The following HIBADH variants were observed in gnomAD, a reference collection of about 807,000 sequenced individuals.
The protein encoded by HIBADH is 3-hydroxyisobutyrate dehydrogenase, mitochondrial.
In HIBADH, 25 loss-of-function variants were observed where a neutral mutation model predicts 36.1. The observed-to-expected ratio is 0.69, with a 90% CI of 0.50 to 0.97. The LOEUF (loss-of-function observed/expected upper bound fraction) is 0.97, where lower values mean the gene tolerates loss of function less well. Ranked by LOEUF, HIBADH falls within the 50% of genes least tolerant of loss-of-function variation. The pLI, the probability that HIBADH is intolerant of heterozygous loss-of-function variation, is 0.00. For missense variants in HIBADH, 421 were observed against 418.0 expected, an observed-to-expected ratio of 1.01 and a Z score of -0.06; for synonymous variants, 160 against 149.5, an observed-to-expected ratio of 1.07 and a Z score of -0.51.
chr7:27,646,691 T>TA (rs1786078756), intron 2 of HIBADH, among the ~76,000 whole-genome samples: 1 of 129,620 alleles, frequency 7.7e-6, no homozygotes, highest in Non-Finnish European at 1.6e-5. Flanking sequence ...CGCCCAGCAT[T>TA]TTTTTTTTTT....
chr7:27,578,581 T>C (rs1468873880), intron 4 of HIBADH, among the ~76,000 whole-genome samples: 1 of 152,174 alleles, frequency 6.6e-6, no homozygotes, highest in Non-Finnish European at 1.5e-5. Flanking sequence ...CCTCCTGAAG[T>C]GCCAGGATTA....
chr7:27,532,386 T>C (rs148209600), intron 6 of HIBADH, among the ~76,000 whole-genome samples: 3 of 152,328 alleles, frequency 2.0e-5, no homozygotes, highest in Middle Eastern at 3.4e-3. Flanking sequence ...GAGACACTTA[T>C]GTAAATGTTA....
chr7:27,642,363 A>G (rs1000547490), intron 2 of HIBADH, among the ~76,000 whole-genome samples: 7 of 152,208 alleles, frequency 4.6e-5, no homozygotes, highest in African/African-American at 1.7e-4. Context: ...GCACTTAATT[A>G]TAGTAAAATT....
At position 27,662,738 on chromosome 7, in the gene HIBADH, C is replaced by A; in HGVS notation, c.51G>T (p.Trp17Cys). Residue 17 changes from tryptophan (W) to cysteine (C), a missense_variant, in exon 1 of 8, where the codon TGG becomes TGT. Trp to Cys is a radical substitution (Grantham distance 215, BLOSUM62 -2). Transcript: ENST00000265395. ...LLGAASGLRY[W>C]SRRLRPAAGS... The stretch of plus-strand genomic sequence containing the variant: ...CGGCTGCCGGCCGCAGCCGCCGGCT[C>A]CAGTACCGGAGACCGGAGGCAGCTC... 7.1e-7 allele frequency: 1 copy of A among 1,417,474 alleles called. No individual in the cohort carries two copies. The highest frequency in any genetic ancestry group is 1.5e-5 in the South Asian group (1 of 68,232). 87.8% of individuals were successfully genotyped at this position (1,417,474 alleles called of 1,614,324 possible).
chr7:27,648,317 A>C (rs1583619163), intron 2 of HIBADH, among the ~76,000 whole-genome samples: 1 of 152,200 alleles, frequency 6.6e-6, no homozygotes, highest in Non-Finnish European at 1.5e-5. Flanking sequence ...AACAGGCAGA[A>C]GCAGCCACAA....
intron 1 of HIBADH, among the ~76,000 whole-genome samples, chr7:27,661,980 T>C (rs952759711): frequency 1.3e-5 from 2 of 152,200 alleles, no homozygotes; most frequent in African/African-American, 4.8e-5. Context: ...CTCTAAAAAC[T>C]GCCTCTTTGT....
At chr7:27,623,126 T>A (rs73287115) in intron 4 of HIBADH, among the ~76,000 whole-genome samples, 11,829 of 152,180 alleles carry the variant, frequency 0.078, 714 homozygotes, top group African/African-American at 0.17. Flanking sequence ...ACAAATGTGA[T>A]ACATCACAAC....
At chr7:27,601,916 G>A (rs568888477) in intron 4 of HIBADH, among the ~76,000 whole-genome samples, 1 of 152,078 alleles carries the variant, frequency 6.6e-6, no homozygotes, top group South Asian at 2.1e-4. Flanking sequence ...GTATTGTGTG[G>A]GAGTGGGGTC....
At chr7:27,573,889 ATG>A (rs1182748444) in intron 4 of HIBADH, among the ~76,000 whole-genome samples, 7 of 152,318 alleles carry the variant, frequency 4.6e-5, no homozygotes, top group East Asian at 3.9e-4. Flanking sequence ...GTTAAATAAA[ATG>A]TATTCCTGAA....
chr7:27,569,367 G>A (rs1236516295), intron 4 of HIBADH, among the ~76,000 whole-genome samples: 1 of 152,084 alleles, frequency 6.6e-6, no homozygotes, highest in Non-Finnish European at 1.5e-5. Context: ...TTTGTGTCAA[G>A]TAATTTTGTA....
chr7:27,527,710 T>C (rs1165591612), intron 7 of HIBADH, among the ~76,000 whole-genome samples: 2 of 151,936 alleles, frequency 1.3e-5, no homozygotes, highest in Non-Finnish European at 2.9e-5. Flanking sequence ...TCAAACTTTT[T>C]CATTACTATT....
chr7:27,558,605 G>A (rs765452700), intron 4 of HIBADH, among the ~76,000 whole-genome samples: 2 of 152,140 alleles, frequency 1.3e-5, no homozygotes, highest in African/African-American at 4.8e-5. Flanking sequence ...GCTGAGGCAA[G>A]AGGATTGCTT....
At position 27,619,609 on chromosome 7, in the gene HIBADH, T is replaced by C. The variant is rs368510276; in HGVS notation, c.484+9762A>G. ...ATGAATGTGAAATTTACCGAAGAGA[T>C]AGATATCTTTAAGAAGCAACAAGTA... On this transcript the variant is annotated intron_variant, in intron 4 of 7. Coordinates refer to ENST00000265395, the MANE Select transcript of HIBADH (RefSeq NM_152740.4). Among the ~76,000 whole-genome samples, 9 of 152,162 alleles carry C rather than the reference T, an allele frequency of 5.9e-5. No individual in the cohort carries two copies. In the East Asian group the frequency reaches 7.7e-4, roughly 13 times the overall value.
At chr7:27,541,624 TG>T in intron 5 of HIBADH, 2 of 323,298 alleles carry the variant, frequency 6.2e-6, no homozygotes, top group South Asian at 5.0e-5. Flanking sequence ...CCTCAATCCA[TG>T]GTATGTATCA....
chr7:27,651,889 T>C (rs1385425324), intron 1 of HIBADH, among the ~76,000 whole-genome samples: 1 of 152,080 alleles, frequency 6.6e-6, no homozygotes, highest in Admixed American at 6.5e-5. Flanking sequence ...GTGTGGGAAC[T>C]TGAGGAATGT....
rs147787999 is a variant in HIBADH, at chr7:27,634,427, G to A, written c.253-1982C>T. Among the ~76,000 whole-genome samples, 216 of 152,022 alleles carry A rather than the reference G, an allele frequency of 1.4e-3. 1 individual carries two copies. Among genetic ancestry groups the A allele is most frequent in the African/African-American group, 5.0e-3 (207 of 41,470 alleles). On this transcript the variant is annotated intron_variant, in intron 2 of 7. Transcript: ENST00000265395. ...CATAAATATTGAGACTCTAGAAGAGGCAACTATTTCCTGGCAAACAGTTCA... is the reference window on the plus strand; with the variant it reads ...CATAAATATTGAGACTCTAGAAGAGACAACTATTTCCTGGCAAACAGTTCA...
Position 27,526,162 on chromosome 7 carries a change from G to C in HIBADH, c.*52C>G. 1 of 1,474,504 alleles carries C rather than the reference G, an allele frequency of 6.8e-7. No homozygotes were observed. The highest frequency in any genetic ancestry group is 9.0e-7 in the Non-Finnish European group (1 of 1,106,622). 91.3% of individuals were successfully genotyped at this position (1,474,504 alleles called of 1,614,324 possible). ...TTACTTGTGGAGTGAGCTAAAAGGA[G>C]GCTCCAAGACAGAGTTTGGTTCCCA... On this transcript the variant is annotated 3_prime_UTR_variant, in exon 8 of 8. Transcript: ENST00000265395.
At chr7:27,541,655 G>A (rs528660601) in intron 5 of HIBADH, 11 of 365,770 alleles carry the variant, frequency 3.0e-5, no homozygotes, top group Admixed American at 7.9e-5. Flanking sequence ...ACTTTTTCTT[G>A]TAATGTCATG....
At chr7:27,571,160 A>G (rs958224343) in intron 4 of HIBADH, among the ~76,000 whole-genome samples, 8 of 151,844 alleles carry the variant, frequency 5.3e-5, no homozygotes, top group African/African-American at 1.9e-4. Flanking sequence ...AATTTCAATG[A>G]TTTTTCTAAA....
Sources: gnomAD v4.1 joint callset for allele counts (sites outside exome capture counted in the v4.1 genomes callset) on GRCh38, gnomAD v4.1.1 for gene constraint, MANE v1.5 for transcripts, NCBI Gene and HGNC (gene_info 2026-07-23, HGNC 2026-07-21) for gene names.